Variants in UBAC2 observed in about 807,000 individuals in gnomAD.
The protein encoded by UBAC2 is UBA domain containing 2.
In UBAC2, 26 loss-of-function variants were observed where a neutral mutation model predicts 44.0. The observed-to-expected ratio is 0.59, with a 90% CI of 0.43 to 0.82. The LOEUF (loss-of-function observed/expected upper bound fraction) is 0.82, where lower values mean the gene tolerates loss of function less well. Among genes scored for constraint, UBAC2 ranks in the 40% least tolerant of loss-of-function variants. The probability of loss-of-function intolerance (pLI) is 0.00; values close to 1 mark genes in which losing one functional copy is unlikely to be tolerated. For synonymous variants in UBAC2, 155 were observed against 154.3 expected, an observed-to-expected ratio of 1.00 and a Z score of -0.04; for missense variants, 329 against 419.4, an observed-to-expected ratio of 0.78 and a Z score of 1.88.
intron 8 of UBAC2, chr13:99,376,772 A>G (rs1182511939): frequency 6.6e-6 from 1 of 152,164 alleles, no homozygotes; most frequent in South Asian, 2.1e-4. Context: ...CTCTAATCTG[A>G]TATTTTGTGG....
At chr13:99,225,644 A>C (rs923395509) in intron 1 of UBAC2, among the ~76,000 whole-genome samples, 48 of 152,266 alleles carry the variant, frequency 3.2e-4, no homozygotes, top group African/African-American at 1.2e-3. Context: ...AACACTCTTG[A>C]CTGCCTTTAT....
At chr13:99,245,023 A>G (rs1401479798) in intron 4 of UBAC2, among the ~76,000 whole-genome samples, 5 of 151,948 alleles carry the variant, frequency 3.3e-5, no homozygotes, top group Non-Finnish European at 5.9e-5. Flanking sequence ...TAGTAGAGAC[A>G]GGGTTTCACC....
At chr13:99,242,254 A>C (rs996208694) in intron 2 of UBAC2, among the ~76,000 whole-genome samples, 30 of 152,022 alleles carry the variant, frequency 2.0e-4, no homozygotes, top group African/African-American at 6.8e-4. Flanking sequence ...GCTGCTGGGC[A>C]CACCTCCCAG....
intron 4 of UBAC2, among the ~76,000 whole-genome samples, chr13:99,287,404 A>G (rs1160282784): frequency 6.6e-6 from 1 of 151,994 alleles, no homozygotes; most frequent in Non-Finnish European, 1.5e-5. Flanking sequence ...TGTTTTGATA[A>G]TGTCGTCTTC....
chr13:99,303,870 CAG>C (rs1341461576), intron 4 of UBAC2, among the ~76,000 whole-genome samples: 6 of 152,194 alleles, frequency 3.9e-5, no homozygotes, highest in Non-Finnish European at 7.3e-5. Flanking sequence ...GTACTCAAGG[CAG>C]GGGTCGTGAA....
intron 7 of UBAC2, among the ~76,000 whole-genome samples, chr13:99,353,195 ACTAGTGCTTAGTT>A (rs2045123162): frequency 6.6e-6 from 1 of 152,240 alleles, no homozygotes; most frequent in African/African-American, 2.4e-5. Context: ...GGAATAAGTT[ACTAGTGCTTAGTT>A]GATAAAAATC....
intron 4 of UBAC2, among the ~76,000 whole-genome samples, chr13:99,279,341 G>A (rs1044640706): frequency 9.9e-5 from 15 of 151,730 alleles, no homozygotes; most frequent in South Asian, 2.1e-4. Flanking sequence ...GGATGTGAGA[G>A]AATAAACTGC....
At chr13:99,330,475 A>AAAAAAAAAAAAAAAAAAAAAAAAT (rs2044701808) in intron 6 of UBAC2, among the ~76,000 whole-genome samples, 1 of 149,410 alleles carries the variant, frequency 6.7e-6, no homozygotes, top group Non-Finnish European at 1.5e-5. Flanking sequence ...AAAAAAAAAA[A>AAAAAAAAAAAAAAAAAAAAAAAAT]AGAAATACAG....
At chr13:99,259,001 T>C (rs897737790) in intron 4 of UBAC2, among the ~76,000 whole-genome samples, 2 of 152,224 alleles carry the variant, frequency 1.3e-5, no homozygotes, top group African/African-American at 2.4e-5. Flanking sequence ...GCTTTTCTAG[T>C]GCGTGGAAGT....
Position 99,238,428 on chromosome 13 carries a change from C to T in UBAC2, c.33C>T (p.Tyr11=). 1 of 1,612,824 alleles carries T rather than the reference C, an allele frequency of 6.2e-7. No individual in the cohort carries two copies. The highest frequency in any genetic ancestry group is 1.1e-5 in the South Asian group (1 of 90,984). Residue 11 remains tyrosine, a splice_region_variant and synonymous_variant, in exon 2 of 9, where the codon TAC becomes TAT. Transcript: ENST00000403766. ...AAGTGCTTTCCTTTTTCCCTCCAGACAAGGCGCCTCTGTCGAAGAGCCTTC... is the reference window on the plus strand; with the variant it reads ...AAGTGCTTTCCTTTTTCCCTCCAGATAAGGCGCCTCTGTCGAAGAGCCTTC... MFTSTGSSGL[Y]KAPLSKSLLL... is the part of the protein sequence containing the mutation.
chr13:99,365,442 A>G (rs1412628796), intron 7 of UBAC2, among the ~76,000 whole-genome samples: 1 of 152,148 alleles, frequency 6.6e-6, no homozygotes, highest in African/African-American at 2.4e-5. Flanking sequence ...ATATTTAAAA[A>G]TTACATCAAC....
chr13:99,248,114 C>T (rs1427937132), intron 4 of UBAC2, among the ~76,000 whole-genome samples: 3 of 152,148 alleles, frequency 2.0e-5, no homozygotes, highest in African/African-American at 7.2e-5. Flanking sequence ...GGCTATCTTG[C>T]CCACTTTCTT....
At chr13:99,338,039 C>CTTTTTTCTTTTTCTTTTTTTT (rs1566509471) in intron 6 of UBAC2, among the ~76,000 whole-genome samples, 1 of 91,562 alleles carries the variant, frequency 1.1e-5, no homozygotes, top group African/African-American at 5.0e-5. Context: ...AACTTTTTTT[C>CTTTTTTCTTTTTCTTTTTTTT]TTTTTTTCTT....
intron 7 of UBAC2, among the ~76,000 whole-genome samples, chr13:99,359,538 GGCCTGGGGTAAAGCTTCCCA>G (rs1176363146): frequency 2.8e-4 from 42 of 152,192 alleles, no homozygotes; most frequent in African/African-American, 8.9e-4. Flanking sequence ...ATTTCCTTAT[GGCCTGGGGTAAAGCTTCCCA>G]GCCACTGTGC....
At chr13:99,305,916 GAC>G (rs367799941) in intron 4 of UBAC2, among the ~76,000 whole-genome samples, 3 of 150,818 alleles carry the variant, frequency 2.0e-5, no homozygotes, top group African/African-American at 7.4e-5. Context: ...TATCTATCGA[GAC>G]AGAGTCTCGC....
intron 7 of UBAC2, among the ~76,000 whole-genome samples, 177 bp downstream of exon 7, chr13:99,340,742 A>T (rs2044873691): frequency 6.6e-6 from 1 of 152,210 alleles, no homozygotes; most frequent in Non-Finnish European, 1.5e-5. Flanking sequence ...GTTTTTTAAA[A>T]AGGTAAAAAA....
intron 5 of UBAC2, among the ~76,000 whole-genome samples, chr13:99,314,524 G>A (rs1304536054): frequency 2.6e-5 from 4 of 152,118 alleles, no homozygotes; most frequent in African/African-American, 7.2e-5. Flanking sequence ...AACAATCATA[G>A]TATGAAGTGG....
At chr13:99,279,666 C>T (rs891963269) in intron 4 of UBAC2, among the ~76,000 whole-genome samples, 3 of 152,150 alleles carry the variant, frequency 2.0e-5, no homozygotes, top group Non-Finnish European at 4.4e-5. Context: ...TATAAACAAC[C>T]GAAATTTATT....
intron 8 of UBAC2, among the ~76,000 whole-genome samples, chr13:99,374,756 T>C (rs2045458099): frequency 6.6e-6 from 1 of 152,116 alleles, no homozygotes; most frequent in South Asian, 2.1e-4. Context: ...GGCAGCACAT[T>C]GGGTATTGGG....
Sources: allele counts gnomAD v4.1 joint callset (sites outside exome capture counted in the v4.1 genomes callset), GRCh38; gene constraint gnomAD v4.1.1; transcripts MANE v1.5; gene names NCBI Gene and HGNC (gene_info 2026-07-23, HGNC 2026-07-21).